ABL2: variants seen among roughly 807,000 people sequenced by gnomAD.
The protein encoded by ABL2 is ABL proto-oncogene 2, non-receptor tyrosine kinase.
In ABL2, 49 loss-of-function variants were observed where a neutral mutation model predicts 107.7. The ratio of observed to expected loss-of-function variants is 0.45; its 90% CI spans 0.36 to 0.58. ABL2 has a LOEUF of 0.58. Among genes scored for constraint, ABL2 ranks in the 20% least tolerant of loss-of-function variants. The pLI is 0.00. For synonymous variants in ABL2, 549 were observed against 548.6 expected (o/e 1.00, Z -0.01); for missense variants, 1,245 against 1,457.0 (o/e 0.85, Z 2.37).
chr1:179,138,965 G>C (rs543376918), intron 1 of ABL2, among the ~76,000 whole-genome samples: 1 of 152,196 alleles, frequency 6.6e-6, no homozygotes, highest in Non-Finnish European at 1.5e-5. Context: ...TGTCAGCCCC[G>C]GGCAATGAGG....
chr1:179,164,445 C>T (rs1280256156), intron 1 of ABL2, among the ~76,000 whole-genome samples: 2 of 152,144 alleles, frequency 1.3e-5, no homozygotes, highest in Non-Finnish European at 2.9e-5. Flanking sequence ...TTCCTAAACA[C>T]ATAAAATATG....
rs199943477 is a variant in ABL2 at position 179,121,881 on chromosome 1, G to A, written c.688-14C>T. 2 of 1,516,754 alleles carry A rather than the reference G, an allele frequency of 1.3e-6. No homozygotes were observed. The highest frequency in any genetic ancestry group is 2.4e-5 in the South Asian group (2 of 83,708). The allele number at this position is 1,516,754 out of a possible 1,614,324, so 94.0% of individuals were successfully genotyped here. The stretch of plus-strand genomic sequence containing the variant: ...AGTCACATACACCTGGTAAGAAAAG[G>A]AGAAAAGCTAAACAACTTGAAAAGA... On this transcript the variant is annotated splice_polypyrimidine_tract_variant and intron_variant, in intron 4 of 11. Coordinates refer to ENST00000502732, the MANE Select transcript of ABL2 (RefSeq NM_007314.4).
At position 179,109,907 on chromosome 1, in the gene ABL2, G is replaced by A. The variant is rs547712473; in HGVS notation, c.1825+375C>T. Among the ~76,000 whole-genome samples, 17 of 146,120 alleles carry A rather than the reference G, an allele frequency of 1.2e-4. No homozygotes were observed. The South Asian group carries it at 3.3e-3, about 28-fold the overall frequency. On this transcript the variant is annotated intron_variant, in intron 11 of 11. Coordinates refer to ENST00000502732, the MANE Select transcript of ABL2 (RefSeq NM_007314.4). ...CGCACCACTGTACTCCAGCCTGGGC[G>A]ACACAGTGAGACTCCGTCTCAAAAA...
chr1:179,156,299 C>T (rs1273394273), intron 1 of ABL2, among the ~76,000 whole-genome samples: 1 of 152,146 alleles, frequency 6.6e-6, no homozygotes, highest in Non-Finnish European at 1.5e-5. Flanking sequence ...TATTCACTAC[C>T]CTTATTTCAG....
rs1376666405 is a variant in ABL2, at chr1:179,108,427, T to A, written c.2840A>T (p.Gln947Leu). Residue 947 changes from glutamine to leucine, a missense_variant, in exon 12 of 12, where the codon CAG (glutamine) becomes CTG (leucine). Transcript: ENST00000502732. ...CCCCTGAGAGTCTGTGCCAATGAGC[T>A]GCACGTCAGCTGGAGTGTGTTTCAG... Reference protein sequence around the residue: ...PTLKHTPADVQLIGTDSQGNK... With the variant: ...PTLKHTPADVLLIGTDSQGNK... The A allele has an allele frequency of 6.2e-7, 1 of 1,614,114 alleles. No individual in the cohort carries two copies.
At chr1:179,169,947 A>G (rs941509171) in intron 1 of ABL2, among the ~76,000 whole-genome samples, 1 of 152,182 alleles carries the variant, frequency 6.6e-6, no homozygotes, top group East Asian at 1.9e-4. Flanking sequence ...CAGGAGCTTG[A>G]GTCCAGGATT....
At position 179,108,968 on chromosome 1, in the gene ABL2, T is replaced by G; in HGVS notation, c.2299A>C (p.Lys767Gln). The change falls in exon 12 of 12, where the codon AAA (lysine) becomes CAA (glutamine). Residue 767 changes from lysine (K) to glutamine (Q), a missense_variant. Transcript: ENST00000502732. ...IKKTLGLRAGKPTASDDTSKP... is the reference protein window; with the variant it reads ...IKKTLGLRAGQPTASDDTSKP... Reference sequence around the variant, plus strand: ...GAAGTGTCATCACTGGCTGTGGGTTTACCTGCTCGTAAGCCCAGTGTCTTT... The same window carrying G: ...GAAGTGTCATCACTGGCTGTGGGTTGACCTGCTCGTAAGCCCAGTGTCTTT... 6.2e-7 allele frequency: 1 copy of G among 1,614,164 alleles called. No individual in the cohort carries two copies. The highest frequency in any genetic ancestry group is 8.5e-7 in the Non-Finnish European group (1 of 1,180,044).
At chr1:179,187,784 G>C (rs912107721) in intron 1 of ABL2, among the ~76,000 whole-genome samples, 7 of 152,132 alleles carry the variant, frequency 4.6e-5, no homozygotes, top group South Asian at 4.1e-4. Context: ...CTAGTACAGT[G>C]TTGTATACTC....
chr1:179,184,469 A>G lies in ABL2; in HGVS notation c.157+44772T>C, dbSNP rs935676026. On this transcript the variant is annotated intron_variant, in intron 1 of 11. Transcript: ENST00000502732. ...TCTGGTTTACTGACCATTCTGATGC[A>G]GGTGCTCATATGTTAGGAAAGTTCA... 14 of 907,284 alleles carry G rather than the reference A, an allele frequency of 1.5e-5. No individual in the cohort carries two copies. In the African/African-American group the frequency reaches 2.3e-4, roughly 15 times the overall value. 56.2% of individuals were successfully genotyped at this position (907,284 alleles called of 1,614,324 possible).
At chr1:179,195,114 C>T (rs1278628135) in intron 1 of ABL2, among the ~76,000 whole-genome samples, 3 of 152,000 alleles carry the variant, frequency 2.0e-5, no homozygotes, top group African/African-American at 7.2e-5. Flanking sequence ...AAGGTGAAAC[C>T]CCATCTCTAC....
At chr1:179,157,835 G>A (rs1658803084) in intron 1 of ABL2, among the ~76,000 whole-genome samples, 1 of 151,896 alleles carries the variant, frequency 6.6e-6, no homozygotes, top group East Asian at 1.9e-4. Flanking sequence ...CTCCCAAAGT[G>A]CTAGGATAAC....
intron 9 of ABL2, 136 bp from the exon 10 acceptor site, chr1:179,112,534 C>G: frequency 3.3e-6 from 2 of 609,600 alleles, no homozygotes; most frequent in Non-Finnish European, 5.7e-6. Flanking sequence ...ATGATAGCAA[C>G]ATAGCCACTT....
At chr1:179,192,942 A>T (rs1321745011) in intron 1 of ABL2, among the ~76,000 whole-genome samples, 1 of 152,230 alleles carries the variant, frequency 6.6e-6, no homozygotes, top group Non-Finnish European at 1.5e-5. Flanking sequence ...CTAGAAAGAA[A>T]TCAAGATAAC....
At chr1:179,186,969 G>A (rs1316520454) in intron 1 of ABL2, among the ~76,000 whole-genome samples, 1 of 152,090 alleles carries the variant, frequency 6.6e-6, no homozygotes, top group African/African-American at 2.4e-5. Flanking sequence ...ACTCCTGACT[G>A]CAAGTGATCC....
rs548592215 is a variant in ABL2 at position 179,134,905 on chromosome 1, T to C, written c.158-1531A>G. On this transcript the variant is annotated intron_variant, in intron 1 of 11. Transcript: ENST00000502732. Reference sequence around the variant, plus strand: ...CCGCCACGCCTGACTGGTTTTCGTATTTTTTTGGTGGAGACGGGGTTTCGC... The same window carrying C: ...CCGCCACGCCTGACTGGTTTTCGTACTTTTTTGGTGGAGACGGGGTTTCGC... Among the ~76,000 whole-genome samples the C allele has an allele frequency of 1.3e-3, 198 of 152,346 alleles. 1 individual carries two copies. The highest frequency in any genetic ancestry group is 4.6e-3 in the African/African-American group (192 of 41,582).
chr1:179,117,294 A>C (rs1446275276), intron 8 of ABL2, 38 bp downstream of exon 8: 1 of 1,595,866 alleles, frequency 6.3e-7, no homozygotes, highest in East Asian at 2.2e-5. Context: ...TAAAAAAAAA[A>C]ATAAAATGAC....
At chr1:179,118,082 G>A (rs563290008) in intron 7 of ABL2, among the ~76,000 whole-genome samples, 1 of 152,240 alleles carries the variant, frequency 6.6e-6, no homozygotes, top group South Asian at 2.1e-4. Context: ...GAGCCCAGGA[G>A]GCTGAGGGTG....
At chr1:179,112,777 C>T (rs903618986) in intron 9 of ABL2, among the ~76,000 whole-genome samples, 8 of 148,964 alleles carry the variant, frequency 5.4e-5, no homozygotes, top group South Asian at 4.2e-4. Context: ...TTTTTTGAGA[C>T]GGAATCTAAC....
At chr1:179,216,087 G>C (rs1194379636) in intron 1 of ABL2, among the ~76,000 whole-genome samples, 1 of 152,090 alleles carries the variant, frequency 6.6e-6, no homozygotes, top group East Asian at 1.9e-4. Context: ...AAATGGCCTG[G>C]GCCTGCCCAG....
Sources: gnomAD v4.1 joint callset for allele counts (sites outside exome capture counted in the v4.1 genomes callset) on GRCh38, gnomAD v4.1.1 for gene constraint, MANE v1.5 for transcripts, NCBI Gene and HGNC (gene_info 2026-07-23, HGNC 2026-07-21) for gene names.